WDR44: variants seen among roughly 807,000 people sequenced by gnomAD.
The protein encoded by WDR44 is WD repeat-containing protein 44.
A neutral mutation model predicts 65.7 loss-of-function variants in WDR44; 9 were observed. That is an observed-to-expected ratio of 0.14 (90% CI 0.08 to 0.24). WDR44 has a LOEUF of 0.24. WDR44 is among the 10% of genes least tolerant of loss of function. The pLI is 1.00. For synonymous variants in WDR44, 220 were observed against 235.2 expected (o/e 0.94, Z 0.59); for missense variants, 425 against 670.9 (o/e 0.63, Z 4.05).
chrX:118,378,880 A>C (rs893025864), intron 2 of WDR44, among the ~76,000 whole-genome samples: 2 of 106,788 alleles, frequency 1.9e-5, no homozygotes, highest in Non-Finnish European at 3.8e-5. Flanking sequence ...CTAAAAAAAA[A>C]AAAACACACA....
At chrX:118,415,793 C>G (rs982045620) in intron 12 of WDR44, among the ~76,000 whole-genome samples, 1 of 112,070 alleles carries the variant, frequency 8.9e-6, no homozygotes, top group Non-Finnish European at 1.9e-5. Context: ...CATGAGCCAT[C>G]GTGCCCAGCC....
intron 14 of WDR44, among the ~76,000 whole-genome samples, chrX:118,438,803 T>TTGTTTTTTG (rs1556139011): frequency 3.1e-5 from 3 of 96,177 alleles, no homozygotes; most frequent in African/African-American, 1.2e-4. Context: ...CCATGTTTTT[T>TTGTTTTTTG]TTTTTTTTTT....
intron 9 of WDR44, among the ~76,000 whole-genome samples, chrX:118,405,113 G>A (rs2056952728): frequency 9.1e-6 from 1 of 109,480 alleles, no homozygotes; most frequent in African/African-American, 3.3e-5. Flanking sequence ...TTGGCTCACT[G>A]CAACCTCCGT....
intron 10 of WDR44, among the ~76,000 whole-genome samples, chrX:118,408,458 C>T (rs1029590512): frequency 9.2e-6 from 1 of 109,033 alleles, no homozygotes; most frequent in African/African-American, 3.3e-5. Flanking sequence ...AGTGCAGGGG[C>T]GGGATCTCAG....
intron 12 of WDR44, among the ~76,000 whole-genome samples, chrX:118,423,380 G>T (rs977014063): frequency 9.0e-6 from 1 of 111,323 alleles, no homozygotes; most frequent in African/African-American, 3.3e-5. Context: ...TGTTGATCAG[G>T]CTGGTCTCGA....
At chrX:118,438,105 A>C (rs950641554) in intron 14 of WDR44, among the ~76,000 whole-genome samples, 1 of 110,850 alleles carries the variant, frequency 9.0e-6, no homozygotes, top group African/African-American at 3.3e-5. Flanking sequence ...GCACTTTGGG[A>C]GGCTGAGGTG....
At chrX:118,435,546 G>A (rs777192225) in intron 13 of WDR44, among the ~76,000 whole-genome samples, 2 of 112,336 alleles carry the variant, frequency 1.8e-5, no homozygotes, top group Non-Finnish European at 3.8e-5. Flanking sequence ...GCCTCCCAAA[G>A]TGCTGGGATT....
intron 12 of WDR44, among the ~76,000 whole-genome samples, chrX:118,418,811 A>G (rs2057078884): frequency 9.0e-6 from 1 of 110,697 alleles, no homozygotes; most frequent in African/African-American, 3.3e-5. Context: ...AGGTGGGGGC[A>G]GGGCTAGGTG....
intron 17 of WDR44, 112 bp downstream of exon 17, chrX:118,442,792 T>C (rs1339203287): frequency 2.0e-5 from 11 of 562,880 alleles, no homozygotes; most frequent in Admixed American, 1.6e-4. Flanking sequence ...CTTTTGCAAG[T>C]AGTAGTTTAT....
In WDR44 at chrX:118,442,550, T is replaced by C; in HGVS notation, c.2269-15T>C. 1 of 1,181,205 alleles carries C rather than the reference T, an allele frequency of 8.5e-7. No homozygotes were observed. The highest frequency in any genetic ancestry group is 1.1e-6 in the Non-Finnish European group (1 of 870,907). On this transcript the variant is annotated splice_polypyrimidine_tract_variant and intron_variant, in intron 16 of 19. Coordinates refer to ENST00000254029, the MANE Select transcript of WDR44 (RefSeq NM_019045.5). ...AAAGATGATATTTTTAACTTTTCAT[T>C]TGATCTACTTTTAGATATTGGTAAC...
intron 14 of WDR44, among the ~76,000 whole-genome samples, chrX:118,438,795 A>ATTTTTTTTTT (rs2057276055): frequency 1.6e-5 from 1 of 62,551 alleles, no homozygotes; most frequent in Admixed American, 2.2e-4. Flanking sequence ...CTGTTCAGCC[A>ATTTTTTTTTT]TGTTTTTTTT....
intron 10 of WDR44, 60 bp downstream of exon 10, chrX:118,407,086 C>T: frequency 9.1e-7 from 1 of 1,103,325 alleles, no homozygotes; most frequent in Non-Finnish European, 1.2e-6. Context: ...AATACTTTGG[C>T]TTCTACAAAA....
intron 11 of WDR44, among the ~76,000 whole-genome samples, chrX:118,410,642 A>G (rs1212868731): frequency 8.9e-6 from 1 of 111,845 alleles, no homozygotes; most frequent in African/African-American, 3.2e-5. Flanking sequence ...CTATTCGAAT[A>G]CTGAGGATTT....
chrX:118,432,969 T>C (rs2057225082), intron 13 of WDR44, 75 bp downstream of exon 13: 3 of 962,795 alleles, frequency 3.1e-6, no homozygotes, highest in Non-Finnish European at 4.4e-6. Flanking sequence ...AAGCAGAATT[T>C]CTTCTCCGGG....
chrX:118,394,221 A>G, intron 5 of WDR44, 36 bp downstream of exon 5: 1 of 1,199,854 alleles, frequency 8.3e-7, no homozygotes, highest in Non-Finnish European at 1.1e-6. Flanking sequence ...TATAGACTTT[A>G]TCAGCTCCCT....
Position 118,397,645 on chromosome X carries a change from A to T in WDR44, c.1190+539A>T, listed in dbSNP as rs180995089. Among the ~76,000 whole-genome samples the T allele has an allele frequency of 4.0e-3, 446 of 112,313 alleles. 2 individuals are homozygous for T. The highest frequency in any genetic ancestry group is 5.9e-3 in the Non-Finnish European group (314 of 53,274). ...TGTAGGATCAGAAAATGGCTTTAAA[A>T]TGAGATGAGTGACTTTACTACGAGA... On this transcript the variant is annotated intron_variant, in intron 7 of 19. Transcript: ENST00000254029.
chrX:118,388,643 A>T (rs1216337492), intron 3 of WDR44, among the ~76,000 whole-genome samples: 2 of 111,388 alleles, frequency 1.8e-5, no homozygotes, highest in East Asian at 5.6e-4. Context: ...CCCTTTTGGG[A>T]CGAATGGTGG....
chrX:118,434,927 G>A (rs7878333), intron 13 of WDR44, among the ~76,000 whole-genome samples: 14,819 of 110,963 alleles, frequency 0.13, 1,103 homozygotes, highest in African/African-American at 0.28. Flanking sequence ...ACCCCGTGAG[G>A]TAGACAACCT....
At chrX:118,373,853 A>G (rs1307603396) in intron 1 of WDR44, among the ~76,000 whole-genome samples, 3 of 112,103 alleles carry the variant, frequency 2.7e-5, no homozygotes. Context: ...GGCTGTGAGG[A>G]CCAAAGAAGC....
Sources: allele counts gnomAD v4.1 joint callset (sites outside exome capture counted in the v4.1 genomes callset), GRCh38; gene constraint gnomAD v4.1.1; transcripts MANE v1.5; gene names NCBI Gene and HGNC (gene_info 2026-07-23, HGNC 2026-07-21).